Variants in EBF3 observed in about 807,000 individuals in gnomAD.
EBF3 encodes EBF transcription factor 3, also known as transcription factor COE3.
A neutral mutation model predicts 77.1 loss-of-function variants in EBF3; 18 were observed. The ratio of observed to expected loss-of-function variants is 0.23; its 90% CI spans 0.16 to 0.35. The LOEUF (loss-of-function observed/expected upper bound fraction) is 0.35. Ranked by LOEUF, EBF3 falls within the 10% of genes least tolerant of loss-of-function variation. The pLI is 1.00. For missense variants in EBF3, 558 were observed against 860.0 expected (o/e 0.65, Z 4.39); for synonymous variants, 350 against 343.5 (o/e 1.02, Z -0.21).
At chr10:129,918,936 G>T (rs1257768677) in intron 6 of EBF3, among the ~76,000 whole-genome samples, 2 of 152,226 alleles carry the variant, frequency 1.3e-5, no homozygotes, top group Non-Finnish European at 2.9e-5. Context: ...ATAAACACTT[G>T]AGCTGTGCTC....
rs1038996089 is a variant in EBF3 at position 129,963,349 on chromosome 10, T to C, written c.291+18A>G. 6.4e-7 allele frequency: 1 copy of C among 1,574,470 alleles called. No individual in the cohort carries two copies. The highest frequency in any genetic ancestry group is 8.6e-7 in the Non-Finnish European group (1 of 1,161,498). On this transcript the variant is annotated intron_variant, in intron 2 of 16. Coordinates refer to ENST00000440978, the MANE Select transcript of EBF3 (RefSeq NM_001375380.1). This position sits in a 1 kb window ranked among gnomAD's most constrained non-coding sequence, Gnocchi z 7.1. The stretch of plus-strand genomic sequence containing the variant: ...GCTTCTAGAAAGAGAGAGGGTGTGA[T>C]CGTGTGTTTGCACTTACTTTCTCTT...
At chr10:129,920,989 G>C (rs1322095150) in intron 6 of EBF3, among the ~76,000 whole-genome samples, 1 of 152,198 alleles carries the variant, frequency 6.6e-6, no homozygotes, top group Non-Finnish European at 1.5e-5. Context: ...TGCCCTCGGT[G>C]GTCTGGGGAC....
At position 129,879,762 on chromosome 10, in the gene EBF3, G is replaced by A. The variant is rs758665859; in HGVS notation, c.555-1913C>T. Among the ~76,000 whole-genome samples the A allele has an allele frequency of 6.6e-6, 1 of 152,174 alleles. No homozygotes were observed. The highest frequency in any genetic ancestry group is 1.5e-5 in the Non-Finnish European group (1 of 68,038). On this transcript the variant is annotated intron_variant, in intron 6 of 16. Coordinates refer to ENST00000440978, the MANE Select transcript of EBF3 (RefSeq NM_001375380.1). This position sits in a 1 kb window ranked among gnomAD's most constrained non-coding sequence, Gnocchi z 4.7. ...AATTAAACTCCACACGTTCCGCAGCGAGGTAAATGAGGCGCACCTGCGGCC... is the reference window on the plus strand; with the variant it reads ...AATTAAACTCCACACGTTCCGCAGCAAGGTAAATGAGGCGCACCTGCGGCC...
chr10:129,921,913 C>A (rs1433473716), intron 6 of EBF3, among the ~76,000 whole-genome samples: 2 of 152,212 alleles, frequency 1.3e-5, no homozygotes, highest in Non-Finnish European at 2.9e-5. Flanking sequence ...CCAAGCCTGG[C>A]CCGCCCCCTG....
At chr10:129,958,833 C>G (rs1859245527) in intron 5 of EBF3, 101 bp downstream of exon 5, 6 of 1,415,500 alleles carry the variant, frequency 4.2e-6, no homozygotes, top group East Asian at 2.9e-5. Context: ...ATGCCCTTCC[C>G]GGAGCTGGGC....
intron 6 of EBF3, among the ~76,000 whole-genome samples, chr10:129,882,902 C>A (rs1256252099): frequency 6.6e-6 from 1 of 152,254 alleles, no homozygotes; most frequent in Non-Finnish European, 1.5e-5. Flanking sequence ...TCTCACCTAA[C>A]TGAAGCCACT....
rs145234506 is a variant in EBF3 at position 129,915,738 on chromosome 10, G to A, written c.555-37889C>T. 2.0e-4 allele frequency among the ~76,000 whole-genome samples: 30 copies of A among 152,298 alleles called. 1 individual carries two copies. The East Asian group carries it at 4.8e-3, about 25-fold the overall frequency. ...ACATTCCCGCATGGCACCAACAGCCGCCTGAACACGCCCGATGCCGGCTTG... is the reference window on the plus strand; with the variant it reads ...ACATTCCCGCATGGCACCAACAGCCACCTGAACACGCCCGATGCCGGCTTG... On this transcript the variant is annotated intron_variant, in intron 6 of 16. Transcript: ENST00000440978.
intron 6 of EBF3, among the ~76,000 whole-genome samples, chr10:129,924,433 A>C (rs61537714): frequency 0.067 from 9,764 of 145,884 alleles, 558 homozygotes; most frequent in African/African-American, 0.17. Flanking sequence ...ACAACAACAA[A>C]AAAAAAAAAA....
Position 129,840,418 on chromosome 10 carries a change from G to T in EBF3, c.1586C>A (p.Ala529Glu). ...TGAAGGGAGGGTGACCGAAGAGGCT[G>T]CCATGGTGGGGCTGGACGGCACTAC... ...YGIVPSSPTM[A>E]ASSVTLPSNC... Residue 529 changes from alanine to glutamate, a missense_variant, in exon 15 of 17, where the codon GCA becomes GAA. Ala to Glu is a moderately radical substitution (Grantham distance 107, BLOSUM62 -1). This residue lies in a region of EBF3 where 284 missense variants were observed against 368.3 expected (regional missense o/e 0.77). Coordinates refer to ENST00000440978, the MANE Select transcript of EBF3 (RefSeq NM_001375380.1). The T allele has an allele frequency of 6.4e-7, 1 of 1,551,778 alleles. No individual in the cohort carries two copies. Among genetic ancestry groups the T allele is most frequent in the Non-Finnish European group, 8.7e-7 (1 of 1,147,106 alleles).
chr10:129,899,610 C>T (rs970646345), intron 6 of EBF3, among the ~76,000 whole-genome samples: 19 of 152,138 alleles, frequency 1.2e-4, no homozygotes, highest in South Asian at 6.2e-4. Flanking sequence ...CAGATCCAGC[C>T]GGAGGGAAGG....
intron 6 of EBF3, among the ~76,000 whole-genome samples, chr10:129,886,869 G>GT (rs1853623929): frequency 6.6e-6 from 1 of 152,058 alleles, no homozygotes; most frequent in South Asian, 2.1e-4. Context: ...CTCTCCTGTC[G>GT]TGTGGGGTGC....
chr10:129,955,089 A>G (rs1487524749), intron 6 of EBF3, among the ~76,000 whole-genome samples: 1 of 152,208 alleles, frequency 6.6e-6, no homozygotes. Context: ...ATATGCCGTA[A>G]GCTGGAGACA....
In EBF3 at chr10:129,842,544, A is replaced by G. The variant is rs544793995; in HGVS notation, c.1195-251T>C. ...TTTGGGAGGTCAAGGCAGGCGGATCATCTGAGGTCAGGAGTTCAAGACCAG... is the reference window on the plus strand; with the variant it reads ...TTTGGGAGGTCAAGGCAGGCGGATCGTCTGAGGTCAGGAGTTCAAGACCAG... On this transcript the variant is annotated intron_variant, in intron 12 of 16. Coordinates refer to ENST00000440978, the MANE Select transcript of EBF3 (RefSeq NM_001375380.1). The surrounding 1 kb of genome is among the most constrained non-coding windows in gnomAD (Gnocchi z 4.4). Among the ~76,000 whole-genome samples the G allele has an allele frequency of 5.3e-5, 8 of 152,252 alleles. No homozygotes were observed. The highest frequency in any genetic ancestry group is 1.9e-4 in the African/African-American group (8 of 41,552).
intron 6 of EBF3, among the ~76,000 whole-genome samples, chr10:129,934,486 C>T (rs1222329179): frequency 6.6e-6 from 1 of 152,186 alleles, no homozygotes; most frequent in Non-Finnish European, 1.5e-5. Flanking sequence ...TGCTCCTTCC[C>T]GGGTGGCTCC....
intron 6 of EBF3, among the ~76,000 whole-genome samples, chr10:129,927,077 G>A (rs922353588): frequency 2.0e-5 from 3 of 152,182 alleles, no homozygotes; most frequent in South Asian, 2.1e-4. Context: ...TTTGTTTTTA[G>A]CAAACCTAAA....
intron 8 of EBF3, 91 bp from the exon 9 acceptor site, chr10:129,868,003 C>T (rs982006000): frequency 1.4e-5 from 21 of 1,541,914 alleles, no homozygotes; most frequent in Middle Eastern, 2.0e-4. Flanking sequence ...GCGGCCACCG[C>T]GGGAGGAGAG....
Position 129,963,878 on chromosome 10 carries a change from G to GGCAGGCGGCTGC in EBF3, c.-111_-110insGCAGCCGCCTGC. On this transcript the variant is annotated 5_prime_UTR_variant, in exon 1 of 17. Transcript: ENST00000440978. This position sits in a 1 kb window ranked among gnomAD's most constrained non-coding sequence, Gnocchi z 7.1. ...CCTGGCCGCCCTCGCCCTGCTCGGC[G>GGCAGGCGGCTGC]CCTGCGGTCCGGCCCCGCCGCCGGC... 1 of 1,224,390 alleles carries GGCAGGCGGCTGC rather than the reference G, an allele frequency of 8.2e-7. No homozygotes were observed. Among genetic ancestry groups the GGCAGGCGGCTGC allele is most frequent in the Non-Finnish European group, 1.0e-6 (1 of 977,862 alleles). 75.8% of individuals were successfully genotyped at this position (1,224,390 alleles called of 1,614,324 possible). A position where few individuals can be genotyped will look rare whatever the true frequency, so the allele number is the denominator to read the frequency against.
At chr10:129,915,555 C>A (rs565265991) in intron 6 of EBF3, among the ~76,000 whole-genome samples, 1 of 151,892 alleles carries the variant, frequency 6.6e-6, no homozygotes, top group Non-Finnish European at 1.5e-5. Flanking sequence ...CCCATTCTTG[C>A]GGGGTGTGAC....
At position 129,840,384 on chromosome 10, in the gene EBF3, G is replaced by A; in HGVS notation, c.1620C>T (p.Ser540=). ...ASSVTLPSNC[S]STHGIFSFSP... ...AGAATGAGAAAATGCCGTGTGTGCT[G>A]CTACAGTTTGAAGGGAGGGTGACCG... Residue 540 remains serine (S), a synonymous_variant, in exon 15 of 17, where the codon AGC becomes AGT. Coordinates refer to ENST00000440978, the MANE Select transcript of EBF3 (RefSeq NM_001375380.1). 5 of 1,554,330 alleles carry A rather than the reference G, an allele frequency of 3.2e-6. No homozygotes were observed. Among genetic ancestry groups the A allele is most frequent in the Non-Finnish European group, 4.4e-6 (5 of 1,148,150 alleles).
Sources: allele counts gnomAD v4.1 joint callset (sites outside exome capture counted in the v4.1 genomes callset), GRCh38; gene constraint gnomAD v4.1.1; regional missense constraint gnomAD v4.1.1; non-coding constraint Gnocchi (gnomAD v3.1); transcripts MANE v1.5; gene names NCBI Gene and HGNC (gene_info 2026-07-23, HGNC 2026-07-21).